CLCN3: variants seen among roughly 807,000 people sequenced by gnomAD.
The protein encoded by CLCN3 is Cl-/H+ antiporter 3, also known as H(+)/Cl(-) exchange transporter 3.
Under a neutral mutation model 83.4 loss-of-function variants are expected in CLCN3, and 16 were observed. The ratio of observed to expected loss-of-function variants is 0.19; its 90% CI spans 0.13 to 0.29. The LOEUF (loss-of-function observed/expected upper bound fraction) is 0.29, where lower values mean the gene tolerates loss of function less well. Among genes scored for constraint, CLCN3 ranks in the 10% least tolerant of loss-of-function variants. CLCN3 has a pLI of 1.00. For synonymous variants in CLCN3, 322 were observed against 346.2 expected, an observed-to-expected ratio of 0.93 and a Z score of 0.78; for missense variants, 544 against 1,006.0, an observed-to-expected ratio of 0.54 and a Z score of 6.21.
intron 2 of CLCN3, among the ~76,000 whole-genome samples, chr4:169,674,839 T>C (rs1731615721): frequency 1.3e-5 from 2 of 152,080 alleles, no homozygotes; most frequent in South Asian, 4.2e-4. Flanking sequence ...CAGCCTCTGT[T>C]TCCCAGACTC....
At chr4:169,688,862 A>G (rs1337708024) in intron 4 of CLCN3, among the ~76,000 whole-genome samples, 181 bp from the exon 5 acceptor site, 8 of 152,200 alleles carry the variant, frequency 5.3e-5, no homozygotes, top group Non-Finnish European at 1.2e-4. Flanking sequence ...TAGCACTTTT[A>G]TTGTAAAAAA....
At chr4:169,712,963 A>C in intron 11 of CLCN3, 116 bp from the exon 12 acceptor site, 2 of 708,524 alleles carry the variant, frequency 2.8e-6, no homozygotes, top group African/African-American at 1.8e-5. Context: ...AGATAGGAAA[A>C]AATGAAGGGA....
At chr4:169,668,043 A>ATTTGT (rs1560845763) in intron 2 of CLCN3, among the ~76,000 whole-genome samples, 5 of 82,340 alleles carry the variant, frequency 6.1e-5, no homozygotes, top group Admixed American at 1.3e-4. Flanking sequence ...CCGGCCAGAC[A>ATTTGT]TTTTTTTTTT....
intron 11 of CLCN3, among the ~76,000 whole-genome samples, chr4:169,712,714 T>C (rs1733269086): frequency 6.6e-6 from 1 of 152,198 alleles, no homozygotes; most frequent in Non-Finnish European, 1.5e-5. Context: ...TGATAATGGA[T>C]TCCTATAATA....
intron 2 of CLCN3, among the ~76,000 whole-genome samples, chr4:169,669,702 T>G (rs948119418): frequency 3.3e-5 from 5 of 152,216 alleles, no homozygotes; most frequent in Non-Finnish European, 5.9e-5. Context: ...AGTTTAATAG[T>G]TCTAACCTCT....
chr4:169,688,917 A>T (rs1732260340), intron 4 of CLCN3, 126 bp from the exon 5 acceptor site: 3 of 657,960 alleles, frequency 4.6e-6, no homozygotes, highest in Non-Finnish European at 7.6e-6. Context: ...TCTTAAATTT[A>T]TATGTAGTTC....
intron 1 of CLCN3, among the ~76,000 whole-genome samples, chr4:169,629,814 A>G (rs1247316852): frequency 6.6e-6 from 1 of 152,238 alleles, no homozygotes; most frequent in Non-Finnish European, 1.5e-5. Context: ...TAAGTGCTGT[A>G]AAAGAGAGCT....
Position 169,712,021 on chromosome 4 carries a change from A to ATTT in CLCN3, c.2150-1038_2150-1036dup, listed in dbSNP as rs564857112. Among the ~76,000 whole-genome samples, 317 of 114,916 alleles carry ATTT rather than the reference A, an allele frequency of 2.8e-3. 3 individuals carry two copies. Among genetic ancestry groups the ATTT allele is most frequent in the Non-Finnish European group, 3.4e-3 (198 of 57,642 alleles). The allele number at this position is 114,916 out of a possible 152,430, so 75.4% of individuals were successfully genotyped here. A position where few individuals can be genotyped will look rare whatever the true frequency, so the allele number is the denominator to read the frequency against. ...TTGGGACCACCAGCATGCTTGGCCG[A>ATTT]TTTTTTTTTTTTTTTTTTTTTTGTA... On this transcript the variant is annotated intron_variant, in intron 11 of 12. Coordinates refer to ENST00000513761, the MANE Select transcript of CLCN3 (RefSeq NM_001829.4).
At chr4:169,622,394 T>C (rs1364755187) in intron 1 of CLCN3, among the ~76,000 whole-genome samples, 1 of 152,166 alleles carries the variant, frequency 6.6e-6, no homozygotes, top group Non-Finnish European at 1.5e-5. Context: ...ATGTTGGTCA[T>C]AATTTTCAGA....
intron 1 of CLCN3, among the ~76,000 whole-genome samples, chr4:169,633,937 G>T (rs1193461132): frequency 2.2e-5 from 3 of 135,172 alleles, no homozygotes; most frequent in Non-Finnish European, 4.7e-5. Flanking sequence ...TAGGTTTCTG[G>T]GTTAATACGT....
chr4:169,624,542 T>G (rs1773184723), intron 1 of CLCN3, among the ~76,000 whole-genome samples: 1 of 152,140 alleles, frequency 6.6e-6, no homozygotes, highest in South Asian at 2.1e-4. Context: ...GTGTTGGGAT[T>G]ACAGGCATGA....
intron 2 of CLCN3, among the ~76,000 whole-genome samples, chr4:169,641,255 C>T (rs1730404765): frequency 6.6e-6 from 1 of 151,950 alleles, no homozygotes; most frequent in South Asian, 2.1e-4. Context: ...AACAGTGAAA[C>T]CCAGTCTCTA....
intron 10 of CLCN3, among the ~76,000 whole-genome samples, 171 bp from the exon 11 acceptor site, chr4:169,706,697 A>G (rs1272592122): frequency 6.6e-6 from 1 of 152,252 alleles, no homozygotes; most frequent in Admixed American, 6.5e-5. Context: ...AGAGCTTATT[A>G]AAAGTAGTGA....
chr4:169,698,571 GCAGTCA>G (rs1194496518), intron 9 of CLCN3, among the ~76,000 whole-genome samples: 1 of 152,120 alleles, frequency 6.6e-6, no homozygotes, highest in African/African-American at 2.4e-5. Flanking sequence ...ATTCATTGAG[GCAGTCA>G]CAGAGGCCCG....
At chr4:169,697,127 T>C (rs1581262138) in intron 8 of CLCN3, 62 bp from the exon 9 acceptor site, 1 of 1,198,308 alleles carries the variant, frequency 8.3e-7, no homozygotes, top group Non-Finnish European at 1.2e-6. Context: ...CAAGTTATAA[T>C]ATATCAGAAA....
In CLCN3 at chr4:169,621,027, A is replaced by C; in HGVS notation, c.-53A>C. 1 of 397,698 alleles carries C rather than the reference A, an allele frequency of 2.5e-6. No individual in the cohort carries two copies. The highest frequency in any genetic ancestry group is 4.4e-6 in the Non-Finnish European group (1 of 225,960). 24.6% of individuals were successfully genotyped at this position (397,698 alleles called of 1,614,324 possible). A position where few individuals can be genotyped will look rare whatever the true frequency, so the allele number is the denominator to read the frequency against. ...TGCAGAATCCAAAGGCAGCGCAAAAAACAGCCACCGATTTTGCTATGTCTC... is the reference window on the plus strand; with the variant it reads ...TGCAGAATCCAAAGGCAGCGCAAAACACAGCCACCGATTTTGCTATGTCTC... On this transcript the variant is annotated 5_prime_UTR_variant, in exon 1 of 13. Transcript: ENST00000513761.
At chr4:169,621,588 A>C (rs1406106170) in intron 1 of CLCN3, among the ~76,000 whole-genome samples, 1 of 152,210 alleles carries the variant, frequency 6.6e-6, no homozygotes, top group African/African-American at 2.4e-5. Context: ...AGAAACTGAG[A>C]TTTCTGTTTC....
chr4:169,686,533 C>T (rs1243614922), intron 3 of CLCN3, among the ~76,000 whole-genome samples: 1 of 151,860 alleles, frequency 6.6e-6, no homozygotes, highest in African/African-American at 2.4e-5. Context: ...TCTCCTGCCT[C>T]AGCTTCCCAA....
rs538082743 is a variant in CLCN3 at position 169,668,274 on chromosome 4, G to A, written c.161-11776G>A. ...AGATGATATAGCCTCCTGCCACAGC[G>A]TCCTGATTAGCTGGGACTACAGGTG... On this transcript the variant is annotated intron_variant, in intron 2 of 12. Coordinates refer to ENST00000513761, the MANE Select transcript of CLCN3 (RefSeq NM_001829.4). Among the ~76,000 whole-genome samples the A allele has an allele frequency of 1.6e-4, 25 of 151,894 alleles. No individual in the cohort carries two copies. In the South Asian group the frequency reaches 2.9e-3, roughly 18 times the overall value.
Sources: allele counts gnomAD v4.1 joint callset (sites outside exome capture counted in the v4.1 genomes callset), GRCh38; gene constraint gnomAD v4.1.1; transcripts MANE v1.5; gene names NCBI Gene and HGNC (gene_info 2026-07-23, HGNC 2026-07-21).